The following ABR variants were observed in gnomAD, a reference collection of about 807,000 sequenced individuals.
ABR encodes the protein active breakpoint cluster region-related protein.
ABR carries 35 observed loss-of-function variants against 107.2 expected under a neutral mutation model. That is an observed-to-expected ratio of 0.33 (90% confidence interval 0.25 to 0.43). The LOEUF (loss-of-function observed/expected upper bound fraction) is 0.43, where lower values mean the gene tolerates loss of function less well. Among genes scored for constraint, ABR ranks in the 20% least tolerant of loss-of-function variants. The pLI is 1.00. For synonymous variants in ABR, 498 were observed against 462.0 expected (o/e 1.08, Z -1.00); for missense variants, 815 against 1,115.2 (o/e 0.73, Z 3.83).
At position 1,017,532 on chromosome 17, in the gene ABR, T is replaced by C. The variant is rs1167076338; in HGVS notation, c.1792-4368A>G. Among the ~76,000 whole-genome samples, 3 of 145,866 alleles carry C rather than the reference T, an allele frequency of 2.1e-5. No individual in the cohort carries two copies. In the Admixed American group the frequency reaches 2.1e-4, roughly 10 times the overall value. ...TTGCCCAGGCTGGAGTGCAGTGGTG[T>C]GATCTCGGCTGACTGCAACCCGTCT... On this transcript the variant is annotated intron_variant, in intron 16 of 22. Coordinates refer to ENST00000302538, the MANE Select transcript of ABR (RefSeq NM_021962.5).
At chr17:1,030,477 G>A (rs1011980295) in intron 16 of ABR, among the ~76,000 whole-genome samples, 8 of 152,240 alleles carry the variant, frequency 5.3e-5, no homozygotes, top group Non-Finnish European at 1.0e-4. Context: ...AGCAGCTGGG[G>A]CCAGCAGGGC....
chr17:1,056,714 G>A (rs1214584656), intron 13 of ABR, among the ~76,000 whole-genome samples: 1 of 152,102 alleles, frequency 6.6e-6, no homozygotes, highest in African/African-American at 2.4e-5. Context: ...TTTATCTACC[G>A]GGTCTGCTCT....
In ABR at chr17:1,194,551, G is replaced by A. The variant is rs2150701678; in HGVS notation, c.838+34242C>T. On this transcript the variant is annotated intron_variant, in intron 1 of 22. Coordinates refer to the ABR transcript ENST00000574139. Reference sequence around the variant, plus strand: ...CTATCGCCCAGACTGGAGTGTAGTGGTGCAATCATAGCTCACTACAGTCTC... The same window carrying A: ...CTATCGCCCAGACTGGAGTGTAGTGATGCAATCATAGCTCACTACAGTCTC... Among the ~76,000 whole-genome samples the A allele has an allele frequency of 1.6e-5, 2 of 128,470 alleles. 1 individual carries two copies. Among genetic ancestry groups the A allele is most frequent in the Non-Finnish European group, 3.3e-5 (2 of 59,782 alleles). The allele number at this position is 128,470 out of a possible 152,430, so 84.3% of individuals were successfully genotyped here.
intron 1 of ABR, among the ~76,000 whole-genome samples, chr17:1,129,494 T>A (rs1299208900): frequency 3.3e-5 from 5 of 151,988 alleles, no homozygotes; most frequent in Non-Finnish European, 7.4e-5. Context: ...ATCGCGACAC[T>A]GCACTCCAGA....
At chr17:1,209,687 G>T (rs1392556433) in intron 1 of ABR, among the ~76,000 whole-genome samples, 2 of 152,094 alleles carry the variant, frequency 1.3e-5, no homozygotes, top group East Asian at 3.9e-4. Flanking sequence ...TGAAGTGGGT[G>T]GTGTTTTATT....
chr17:1,078,752 A>G lies in ABR; in HGVS notation c.700+578T>C, dbSNP rs1014409484. ...AACCTCCCCGGCCACATCTAAGCCCACTCCAGCCGGCCCCCAGAGGTGGGA... is the reference window on the plus strand; with the variant it reads ...AACCTCCCCGGCCACATCTAAGCCCGCTCCAGCCGGCCCCCAGAGGTGGGA... On this transcript the variant is annotated intron_variant, in intron 6 of 22. Coordinates refer to ENST00000302538, the MANE Select transcript of ABR (RefSeq NM_021962.5). The surrounding 1 kb of genome is among the most constrained non-coding windows in gnomAD (Gnocchi z 7.5). 3 of 1,509,798 alleles carry G rather than the reference A, an allele frequency of 2.0e-6. No individual in the cohort carries two copies. The African/African-American group carries it at 4.2e-5, about 21-fold the overall frequency. The allele number at this position is 1,509,798 out of a possible 1,614,324, so 93.5% of individuals were successfully genotyped here.
chr17:1,038,557 G>A (rs968329499), intron 16 of ABR, among the ~76,000 whole-genome samples: 11 of 152,170 alleles, frequency 7.2e-5, no homozygotes, highest in South Asian at 2.1e-4. Flanking sequence ...ACTTGCCTCC[G>A]AGGGCGTGAA....
intron 16 of ABR, among the ~76,000 whole-genome samples, chr17:1,024,993 C>T (rs1323984475): frequency 2.7e-5 from 4 of 147,776 alleles, no homozygotes; most frequent in South Asian, 2.2e-4. Context: ...AGGTGGCGGG[C>T]GCCTGTAGTC....
At chr17:1,212,083 GAA>G (rs58750976) in intron 1 of ABR, among the ~76,000 whole-genome samples, 61 of 144,586 alleles carry the variant, frequency 4.2e-4, no homozygotes, top group Middle Eastern at 6.8e-3. Context: ...ACCCCATCTC[GAA>G]AAAAAAAAAA....
chr17:1,146,258 G>GAC (rs1475170055), intron 1 of ABR, among the ~76,000 whole-genome samples: 1 of 66,196 alleles, frequency 1.5e-5, no homozygotes, highest in Admixed American at 2.0e-4. Flanking sequence ...CAGGCACATG[G>GAC]AGACACACAC....
At chr17:1,028,423 G>A (rs543555893) in intron 16 of ABR, among the ~76,000 whole-genome samples, 140 of 152,188 alleles carry the variant, frequency 9.2e-4, no homozygotes, top group Non-Finnish European at 1.5e-3. Flanking sequence ...TAGTTGAGAC[G>A]GGGCTTCTCC....
At chr17:1,221,910 G>A (rs2043126895) in intron 1 of ABR, among the ~76,000 whole-genome samples, 1 of 152,168 alleles carries the variant, frequency 6.6e-6, no homozygotes, top group Non-Finnish European at 1.5e-5. Context: ...AGTAAAAAAG[G>A]AGAGAAAGGC....
At chr17:1,079,261 C>A in intron 6 of ABR, 69 bp downstream of exon 6, 1 of 1,567,220 alleles carries the variant, frequency 6.4e-7, no homozygotes, top group Non-Finnish European at 8.7e-7. Context: ...GCGCCGCGTT[C>A]ACGCAGCCTG....
exon 1 of ABR, among the ~76,000 whole-genome samples, chr17:1,229,501 G>T (rs1291630706): frequency 6.6e-6 from 1 of 151,976 alleles, no homozygotes; most frequent in Non-Finnish European, 1.5e-5. Flanking sequence ...TGTTGCAGCC[G>T]CTCCAGGTTG....
intron 5 of ABR, among the ~76,000 whole-genome samples, chr17:1,082,667 A>G (rs1296791732): frequency 1.3e-5 from 2 of 152,212 alleles, no homozygotes; most frequent in Non-Finnish European, 2.9e-5. Flanking sequence ...AAGACGACCT[A>G]TAGTCCAAAT....
At chr17:1,097,489 G>T (rs1261457664) in intron 3 of ABR, among the ~76,000 whole-genome samples, 3 of 150,834 alleles carry the variant, frequency 2.0e-5, no homozygotes, top group African/African-American at 7.3e-5. Context: ...TACTTGGGAA[G>T]CTGACACAGG....
At position 1,145,885 on chromosome 17, in the gene ABR, C is replaced by T. The variant is rs762471685; in HGVS notation, c.62-20518G>A. ...TCACACATACACCTGCAGAAGCAGCCGCACCTCTGCCCAGTGCTGCTGGGT... is the reference window on the plus strand; with the variant it reads ...TCACACATACACCTGCAGAAGCAGCTGCACCTCTGCCCAGTGCTGCTGGGT... On this transcript the variant is annotated intron_variant, in intron 1 of 22. Coordinates refer to ENST00000302538, the MANE Select transcript of ABR (RefSeq NM_021962.5). Among the ~76,000 whole-genome samples the T allele has an allele frequency of 1.6e-3, 244 of 152,360 alleles. 7 individuals are homozygous for T. Among genetic ancestry groups the T allele is most frequent in the Admixed American group, 7.8e-4 (12 of 15,302 alleles).
intron 9 of ABR, 30 bp downstream of exon 9, chr17:1,069,939 C>T (rs772713708): frequency 2.1e-5 from 34 of 1,585,870 alleles, no homozygotes; most frequent in South Asian, 2.1e-4. Flanking sequence ...CCCCCTCCCC[C>T]GCCCCGTGCC....
chr17:1,135,160 A>G (rs1299563511), intron 1 of ABR, among the ~76,000 whole-genome samples: 1 of 152,096 alleles, frequency 6.6e-6, no homozygotes, highest in Non-Finnish European at 1.5e-5. Context: ...GGGACTATAA[A>G]TAGCCAGGAG....
Sources: allele counts gnomAD v4.1 joint callset (sites outside exome capture counted in the v4.1 genomes callset), GRCh38; gene constraint gnomAD v4.1.1; non-coding constraint Gnocchi (gnomAD v3.1); transcripts MANE v1.5; gene names NCBI Gene and HGNC (gene_info 2026-07-23, HGNC 2026-07-21).